SDK1: variants seen among roughly 807,000 people sequenced by gnomAD.
The protein encoded by SDK1 is protein sidekick-1.
A neutral mutation model predicts 245.5 loss-of-function variants in SDK1; 157 were observed. The observed-to-expected ratio is 0.64, with a 90% CI of 0.56 to 0.73. The LOEUF (loss-of-function observed/expected upper bound fraction) is 0.73. Among genes scored for constraint, SDK1 ranks in the 30% least tolerant of loss-of-function variants. The pLI is 0.00. For synonymous variants in SDK1, 1,647 were observed against 1,278.5 expected (o/e 1.29, Z -6.15); for missense variants, 3,583 against 3,002.3 (o/e 1.19, Z -4.52).
chr7:3,558,586 C>G (rs1358422824), intron 1 of SDK1, among the ~76,000 whole-genome samples: 1 of 152,162 alleles, frequency 6.6e-6, no homozygotes, highest in African/African-American at 2.4e-5. Flanking sequence ...GGTTATTGCT[C>G]TGTGAAGGGA....
At chr7:3,881,134 T>C (rs551960710) in intron 5 of SDK1, among the ~76,000 whole-genome samples, 71 of 152,260 alleles carry the variant, frequency 4.7e-4, no homozygotes, top group African/African-American at 1.6e-3. Flanking sequence ...TGCTTGTGCA[T>C]GAGGTGCAGG....
intron 1 of SDK1, among the ~76,000 whole-genome samples, chr7:3,383,346 G>A (rs1781536136): frequency 6.6e-6 from 1 of 152,134 alleles, no homozygotes; most frequent in African/African-American, 2.4e-5. Flanking sequence ...CAGAGGTTAA[G>A]ATTGCAGTGA....
intron 5 of SDK1, among the ~76,000 whole-genome samples, chr7:3,862,026 A>G (rs568092912): frequency 3.3e-5 from 5 of 152,344 alleles, no homozygotes; most frequent in African/African-American, 9.6e-5. Flanking sequence ...ATTATTGTGT[A>G]TAAATGTTTC....
At chr7:3,392,052 C>T (rs1345448782) in intron 1 of SDK1, among the ~76,000 whole-genome samples, 1 of 151,394 alleles carries the variant, frequency 6.6e-6, no homozygotes, top group Non-Finnish European at 1.5e-5. Flanking sequence ...CAAATAAATG[C>T]ACCTGTGTAC....
rs1430261706 is a variant in SDK1, at chr7:3,301,819, C to T, written c.233C>T (p.Pro78Leu). 101 of 1,089,524 alleles carry T rather than the reference C, an allele frequency of 9.3e-5. No homozygotes were observed. The highest frequency in any genetic ancestry group is 1.0e-4 in the Non-Finnish European group (93 of 898,702). The allele number at this position is 1,089,524 out of a possible 1,614,324, so 67.5% of individuals were successfully genotyped here. ...CGGRRAAKLG[P>L]GRRGWWALLA... ...GGGCGGCGGGCGGCAAAGTTGGGGCCGGGCCGCCGCGGCTGGTGGGCGCTG... is the reference window on the plus strand; with the variant it reads ...GGGCGGCGGGCGGCAAAGTTGGGGCTGGGCCGCCGCGGCTGGTGGGCGCTG... The change falls in exon 1 of 45, where the codon CCG becomes CTG. Residue 78 changes from proline (P) to leucine (L), a missense_variant. Coordinates refer to ENST00000404826, the MANE Select transcript of SDK1 (RefSeq NM_152744.4).
intron 18 of SDK1, among the ~76,000 whole-genome samples, chr7:4,050,331 T>A (rs1388147148): frequency 1.3e-5 from 2 of 152,242 alleles, no homozygotes; most frequent in Non-Finnish European, 2.9e-5. Context: ...AAATTTTCCC[T>A]GCCTTTCGTT....
intron 1 of SDK1, among the ~76,000 whole-genome samples, chr7:3,347,699 C>T (rs1001453538): frequency 1.3e-5 from 2 of 152,162 alleles, no homozygotes; most frequent in African/African-American, 4.8e-5. Context: ...TCCCCATGCC[C>T]TCAGAGGAAG....
At chr7:3,346,386 C>T (rs1780495429) in intron 1 of SDK1, among the ~76,000 whole-genome samples, 1 of 152,174 alleles carries the variant, frequency 6.6e-6, no homozygotes, top group Non-Finnish European at 1.5e-5. Flanking sequence ...TCTTCCTAGG[C>T]TTGTCTCTCC....
At chr7:4,212,517 G>A (rs1293135522) in intron 38 of SDK1, among the ~76,000 whole-genome samples, 1 of 152,218 alleles carries the variant, frequency 6.6e-6, no homozygotes, top group East Asian at 1.9e-4. Context: ...GGGCATGGGA[G>A]GGACGGGGAT....
chr7:3,337,910 GA>G (rs1562423413), intron 1 of SDK1: 1 of 152,234 alleles, frequency 6.6e-6, no homozygotes, highest in African/African-American at 2.4e-5. Flanking sequence ...TAAATGAATG[GA>G]AACGAAAACA....
chr7:3,570,695 A>T (rs1229089816), intron 1 of SDK1, among the ~76,000 whole-genome samples: 1 of 152,214 alleles, frequency 6.6e-6, no homozygotes, highest in Non-Finnish European at 1.5e-5. Context: ...TGGCCCGGCC[A>T]TATCCTGCAG....
At chr7:3,662,034 C>T (rs369524383) in intron 4 of SDK1, among the ~76,000 whole-genome samples, 31 of 131,820 alleles carry the variant, frequency 2.4e-4, no homozygotes, top group African/African-American at 7.6e-4. Context: ...GAAGAGGCAA[C>T]GGTTGTATTT....
intron 2 of SDK1, among the ~76,000 whole-genome samples, chr7:3,623,543 A>C (rs779461069): frequency 2.0e-5 from 3 of 152,020 alleles, no homozygotes; most frequent in Non-Finnish European, 4.4e-5. Flanking sequence ...ACCCGGCCTC[A>C]AATGTTACAT....
In SDK1 at chr7:3,960,035, A is replaced by G. The variant is rs181838243; in HGVS notation, c.1234+1021A>G. Among the ~76,000 whole-genome samples the G allele has an allele frequency of 1.6e-3, 250 of 152,336 alleles. 1 individual carries two copies. The highest frequency in any genetic ancestry group is 5.9e-3 in the African/African-American group (244 of 41,570). On this transcript the variant is annotated intron_variant, in intron 8 of 44. Coordinates refer to ENST00000404826, the MANE Select transcript of SDK1 (RefSeq NM_152744.4). ...GAAAAGGATCTTTTCTCTTTTGTTT[A>G]TACCCATCCGTCCTAAGGATAGTAT...
At chr7:3,560,629 G>A (rs573813246) in intron 1 of SDK1, among the ~76,000 whole-genome samples, 215 of 152,220 alleles carry the variant, frequency 1.4e-3, no homozygotes, top group African/African-American at 4.9e-3. Context: ...TCCACACAGC[G>A]TTGGCACGAT....
intron 4 of SDK1, among the ~76,000 whole-genome samples, chr7:3,681,527 C>A (rs1013371876): frequency 6.6e-6 from 1 of 152,124 alleles, no homozygotes; most frequent in African/African-American, 2.4e-5. Flanking sequence ...TTTCAAAATG[C>A]CAATTTTTCA....
intron 4 of SDK1, among the ~76,000 whole-genome samples, chr7:3,743,531 A>C (rs568999263): frequency 6.6e-6 from 1 of 152,202 alleles, no homozygotes; most frequent in Admixed American, 6.5e-5. Context: ...AAATGCACTT[A>C]TACCCTCCAG....
intron 17 of SDK1, among the ~76,000 whole-genome samples, chr7:4,021,050 T>C (rs979297280): frequency 6.6e-6 from 1 of 152,174 alleles, no homozygotes; most frequent in Admixed American, 6.5e-5. Context: ...ATCTCCCTAC[T>C]GACAGTAACA....
rs187765629 is a variant in SDK1, at chr7:4,126,443, C to T, written c.3824-938C>T. ...TAAGAAAATGATCTTACATGTGGGC[C>T]GGGAGTGGTGGCTCACGCCTGTAAT... On this transcript the variant is annotated intron_variant, in intron 25 of 44. Transcript: ENST00000404826. Among the ~76,000 whole-genome samples, 11 of 152,326 alleles carry T rather than the reference C, an allele frequency of 7.2e-5. No homozygotes were observed. The East Asian group carries it at 1.4e-3, about 19-fold the overall frequency.
Sources: allele counts gnomAD v4.1 joint callset (sites outside exome capture counted in the v4.1 genomes callset), GRCh38; gene constraint gnomAD v4.1.1; transcripts MANE v1.5; gene names NCBI Gene and HGNC (gene_info 2026-07-23, HGNC 2026-07-21).